Variants in OPA1 observed in about 807,000 individuals in gnomAD.
The protein encoded by OPA1 is dynamin-like GTPase OPA1, mitochondrial.
Under a neutral mutation model 152.9 loss-of-function variants are expected in OPA1, and 59 were observed. The ratio of observed to expected loss-of-function variants is 0.39; its 90% CI spans 0.31 to 0.48. The LOEUF (loss-of-function observed/expected upper bound fraction) is 0.48. Among genes scored for constraint, OPA1 ranks in the 20% least tolerant of loss-of-function variants. The probability of loss-of-function intolerance (pLI) is 0.96; values close to 1 mark genes in which losing one functional copy is unlikely to be tolerated. For missense variants in OPA1, 1,008 were observed against 1,216.8 expected, an observed-to-expected ratio of 0.83 and a Z score of 2.55; for synonymous variants, 400 against 389.9, an observed-to-expected ratio of 1.03 and a Z score of -0.31.
intron 19 of OPA1, among the ~76,000 whole-genome samples, chr3:193,647,495 T>G (rs1193855963): frequency 2.0e-5 from 3 of 152,224 alleles, no homozygotes; most frequent in African/African-American, 7.2e-5. Context: ...AAGGAGCAGA[T>G]GTGTTGGGAA....
intron 29 of OPA1, among the ~76,000 whole-genome samples, chr3:193,670,580 A>G (rs906058187): frequency 1.3e-5 from 2 of 151,740 alleles, no homozygotes; most frequent in Non-Finnish European, 2.9e-5. Flanking sequence ...GTTAGCCAGG[A>G]TGGTCTCGAT....
At chr3:193,670,828 G>C (rs1348264280) in intron 29 of OPA1, among the ~76,000 whole-genome samples, 1 of 152,182 alleles carries the variant, frequency 6.6e-6, no homozygotes, top group Non-Finnish European at 1.5e-5. Flanking sequence ...CTCAGGAGAG[G>C]CTCTTCCAGG....
At chr3:193,626,223 G>GC (rs752671253) in intron 7 of OPA1, 21 bp downstream of exon 7, 7 of 1,550,146 alleles carry the variant, frequency 4.5e-6, no homozygotes, top group African/African-American at 1.4e-5. Context: ...GTTTAAGGGG[G>GC]CTACCGATAC....
chr3:193,656,843 G>A (rs1713953372), intron 22 of OPA1, among the ~76,000 whole-genome samples: 1 of 152,058 alleles, frequency 6.6e-6, no homozygotes, highest in South Asian at 2.1e-4. Flanking sequence ...TTAAAAATGA[G>A]AACCGCTATA....
chr3:193,662,119 T>A (rs1715410455), intron 25 of OPA1, among the ~76,000 whole-genome samples: 1 of 152,188 alleles, frequency 6.6e-6, no homozygotes, highest in South Asian at 2.1e-4. Context: ...ATATACAATT[T>A]TGAGTGGAGG....
chr3:193,620,376 A>G (rs76909633), intron 6 of OPA1, among the ~76,000 whole-genome samples: 4 of 152,378 alleles, frequency 2.6e-5, no homozygotes, highest in African/African-American at 7.2e-5. Context: ...TCATAGATGA[A>G]TAATCAGTAA....
chr3:193,633,970 G>GTC lies in OPA1; in HGVS notation c.844-1447_844-1446insCT, dbSNP rs1230306990. ...GTTCTGCCTGTCTCATACTATGTAG[G>GTC]TGTTCAATTATGTATGCGTTCTTTT... On this transcript the variant is annotated intron_variant, in intron 8 of 30. Coordinates refer to ENST00000361510, the MANE Select transcript of OPA1 (RefSeq NM_130837.3). Among the ~76,000 whole-genome samples, 428 of 152,222 alleles carry GTC rather than the reference G, an allele frequency of 2.8e-3. 2 individuals carry two copies. Among genetic ancestry groups the GTC allele is most frequent in the South Asian group, 0.017 (80 of 4,830 alleles).
At chr3:193,659,431 T>TTG (rs899836944) in intron 24 of OPA1, 51 bp from the exon 25 acceptor site, 10 of 1,372,138 alleles carry the variant, frequency 7.3e-6, no homozygotes, top group East Asian at 2.5e-5. Context: ...TAGTTATAAT[T>TTG]TGTGTGTGTG....
rs567310703 is a variant in OPA1, at chr3:193,617,327, C to G, written c.556+42C>G. 45 of 1,180,826 alleles carry G rather than the reference C, an allele frequency of 3.8e-5. No homozygotes were observed. In the South Asian group the frequency reaches 5.0e-4, roughly 13 times the overall value. 73.1% of individuals were successfully genotyped at this position (1,180,826 alleles called of 1,614,324 possible). On this transcript the variant is annotated intron_variant, in intron 4 of 30. Transcript: ENST00000361510. The stretch of plus-strand genomic sequence containing the variant: ...TTGATCTAATTTAAAAATTTAAGAA[C>G]CATGGAGGAAAAATACATGGATTAT...
intron 29 of OPA1, among the ~76,000 whole-genome samples, chr3:193,679,164 C>T (rs1719711461): frequency 1.3e-5 from 2 of 152,106 alleles, no homozygotes; most frequent in African/African-American, 4.8e-5. Flanking sequence ...ACTTAGAGGA[C>T]TTAAGTGCAG....
At chr3:193,611,031 G>A (rs191245178) in intron 1 of OPA1, among the ~76,000 whole-genome samples, 294 of 152,298 alleles carry the variant, frequency 1.9e-3, no homozygotes, top group African/African-American at 6.6e-3. Flanking sequence ...TCGGTGCGCT[G>A]CACCCACTGT....
chr3:193,681,527 G>A, intron 29 of OPA1, among the ~76,000 whole-genome samples: 1 of 152,166 alleles, frequency 6.6e-6, no homozygotes, highest in Non-Finnish European at 1.5e-5. Context: ...ATGCTCAAGG[G>A]TTCTACGTAC....
At chr3:193,599,171 A>G (rs1370837520) in intron 1 of OPA1, among the ~76,000 whole-genome samples, 2 of 152,144 alleles carry the variant, frequency 1.3e-5, no homozygotes, top group African/African-American at 4.8e-5. Context: ...ACCTAACATT[A>G]TCTTTACTAT....
At chr3:193,632,416 G>A (rs1577212823) in intron 8 of OPA1, among the ~76,000 whole-genome samples, 1 of 152,174 alleles carries the variant, frequency 6.6e-6, no homozygotes, top group African/African-American at 2.4e-5. Context: ...AGGAGGCGGA[G>A]CTTGCAGTGA....
At chr3:193,674,189 T>G (rs1159656459) in intron 29 of OPA1, among the ~76,000 whole-genome samples, 8 of 152,240 alleles carry the variant, frequency 5.3e-5, no homozygotes, top group Admixed American at 5.2e-4. Context: ...TCTTTGTGTT[T>G]CTTCACTTTC....
chr3:193,624,903 T>C (rs1730810536), intron 6 of OPA1, among the ~76,000 whole-genome samples: 1 of 152,184 alleles, frequency 6.6e-6, no homozygotes, highest in Non-Finnish European at 1.5e-5. Context: ...TCTGAAACTA[T>C]TTAAAACTCC....
intron 1 of OPA1, among the ~76,000 whole-genome samples, chr3:193,599,499 C>T (rs1271668747): frequency 2.0e-5 from 3 of 151,646 alleles, no homozygotes; most frequent in African/African-American, 7.3e-5. Flanking sequence ...TTTTGAACCA[C>T]AGCAAGGTGC....
intron 1 of OPA1, among the ~76,000 whole-genome samples, chr3:193,610,642 T>C (rs1728061990): frequency 6.6e-6 from 1 of 152,216 alleles, no homozygotes; most frequent in African/African-American, 2.4e-5. Context: ...AGGTGGAGTC[T>C]ACAGAGGAAG....
intron 1 of OPA1, among the ~76,000 whole-genome samples, chr3:193,608,263 C>A (rs186717060): frequency 6.6e-6 from 1 of 152,240 alleles, no homozygotes; most frequent in Non-Finnish European, 1.5e-5. Context: ...TGTGTTTGCT[C>A]TTGCTTCTCT....
Sources: allele counts gnomAD v4.1 joint callset (sites outside exome capture counted in the v4.1 genomes callset), GRCh38; gene constraint gnomAD v4.1.1; transcripts MANE v1.5; gene names NCBI Gene and HGNC (gene_info 2026-07-23, HGNC 2026-07-21).